The following FANCC variants were observed in gnomAD, a reference collection of about 807,000 sequenced individuals.
FANCC encodes Fanconi anemia group C protein.
In FANCC, 55 loss-of-function variants were observed where a neutral mutation model predicts 71.3. That is an observed-to-expected ratio of 0.77 (90% CI 0.62 to 0.97). The LOEUF (loss-of-function observed/expected upper bound fraction) is 0.97, where lower values mean the gene tolerates loss of function less well. FANCC is among the 50% of genes least tolerant of loss of function. FANCC has a pLI of 0.00. For synonymous variants in FANCC, 275 were observed against 244.9 expected, an observed-to-expected ratio of 1.12 and a Z score of -1.15; for missense variants, 678 against 670.9, an observed-to-expected ratio of 1.01 and a Z score of -0.12.
chr9:95,239,170 C>T (rs1311815821), intron 4 of FANCC, among the ~76,000 whole-genome samples: 2 of 152,120 alleles, frequency 1.3e-5, no homozygotes, highest in African/African-American at 4.8e-5. Flanking sequence ...GTCTCCAAAC[C>T]CCCTTGTCAG....
intron 1 of FANCC, among the ~76,000 whole-genome samples, chr9:95,255,966 T>G (rs1831631503): frequency 6.6e-6 from 1 of 151,026 alleles, no homozygotes; most frequent in African/African-American, 2.4e-5. Context: ...ACATAAAGCA[T>G]GAAGAGAAGG....
chr9:95,115,710 G>A (rs1390733759), intron 11 of FANCC, among the ~76,000 whole-genome samples: 1 of 152,184 alleles, frequency 6.6e-6, no homozygotes. Context: ...TGGACAAACT[G>A]CTGCTACTCC....
intron 4 of FANCC, among the ~76,000 whole-genome samples, chr9:95,217,318 T>C (rs998031052): frequency 3.3e-5 from 5 of 151,978 alleles, no homozygotes; most frequent in African/African-American, 1.2e-4. Flanking sequence ...ACACCATCTC[T>C]ACCAAAAATA....
intron 1 of FANCC, chr9:95,292,739 C>G (rs556568988): frequency 1.6e-5 from 22 of 1,359,786 alleles, no homozygotes; most frequent in Non-Finnish European, 2.3e-5. Context: ...GTTGTCCAAT[C>G]GAAGGCTGCC....
rs546142264 is a variant in FANCC, at chr9:95,122,713, G to A, written c.996+2373C>T. 7.9e-5 allele frequency among the ~76,000 whole-genome samples: 12 copies of A among 152,274 alleles called. No homozygotes were observed. The South Asian group carries it at 2.5e-3, about 32-fold the overall frequency. On this transcript the variant is annotated intron_variant, in intron 10 of 14. Transcript: ENST00000289081. ...TGAAGCTAAGAAGAAAAAGAGGCGC[G>A]AGCTAACCCTAAAGAGCACAGTGGC...
intron 7 of FANCC, among the ~76,000 whole-genome samples, chr9:95,147,719 T>C (rs1016689084): frequency 6.6e-6 from 1 of 152,234 alleles, no homozygotes; most frequent in African/African-American, 2.4e-5. Flanking sequence ...AATACTGTTA[T>C]GGTGCAAGTT....
intron 10 of FANCC, among the ~76,000 whole-genome samples, chr9:95,119,189 G>GT (rs1163898678): frequency 1.3e-5 from 2 of 152,070 alleles, no homozygotes; most frequent in Non-Finnish European, 2.9e-5. Flanking sequence ...GCCAACTTAT[G>GT]TATCTTTTTT....
chr9:95,304,453 A>T lies in FANCC; in HGVS notation c.-79+13073T>A, dbSNP rs575985799. On this transcript the variant is annotated intron_variant, in intron 1 of 14. Transcript: ENST00000289081. ...CTCCACAACCTCTTTAATTTTTTTT[A>T]AAAAAAAGGGGGCCAGGAGTGTTGG... 1.3e-3 allele frequency among the ~76,000 whole-genome samples: 191 copies of T among 151,496 alleles called. 1 individual carries two copies. Among genetic ancestry groups the T allele is most frequent in the Non-Finnish European group, 1.6e-3 (110 of 67,778 alleles).
chr9:95,150,795 C>T (rs1766735873), intron 6 of FANCC, among the ~76,000 whole-genome samples: 1 of 152,104 alleles, frequency 6.6e-6, no homozygotes, highest in Non-Finnish European at 1.5e-5. Context: ...TCTTTTCTGC[C>T]TCTGACTGCC....
rs4647551 is a variant in FANCC, at chr9:95,101,348, T to C, written c.*359A>G. ...TGACCAAATTCTTGGTTCTAAGACT[T>C]TGAATTTTTAAATAATAGATGTGCA... On this transcript the variant is annotated 3_prime_UTR_variant, in exon 15 of 15. Transcript: ENST00000289081. 2,677 of 385,430 alleles carry C rather than the reference T, an allele frequency of 6.9e-3. 60 individuals are homozygous for C. Among genetic ancestry groups the C allele is most frequent in the African/African-American group, 0.048 (2,434 of 50,560 alleles). 23.9% of individuals were successfully genotyped at this position (385,430 alleles called of 1,614,324 possible). A position where few individuals can be genotyped will look rare whatever the true frequency, so the allele number is the denominator to read the frequency against.
chr9:95,275,276 C>G (rs1012589349), intron 1 of FANCC, among the ~76,000 whole-genome samples: 1 of 151,604 alleles, frequency 6.6e-6, no homozygotes, highest in Admixed American at 6.6e-5. Flanking sequence ...AGAGCAAGAA[C>G]CTATCTCAAA....
In FANCC at chr9:95,099,966, A is replaced by T; in HGVS notation, c.*1741T>A. On this transcript the variant is annotated 3_prime_UTR_variant, in exon 15 of 15. Coordinates refer to ENST00000289081, the MANE Select transcript of FANCC (RefSeq NM_000136.3). ...GGACAGGGTGGAGGACTGTCCCAGGAGTCCCTCCACAACAGGAGGCCTGGT... is the reference window on the plus strand; with the variant it reads ...GGACAGGGTGGAGGACTGTCCCAGGTGTCCCTCCACAACAGGAGGCCTGGT... The T allele has an allele frequency of 4.3e-6, 1 of 232,424 alleles. No homozygotes were observed. The highest frequency in any genetic ancestry group is 8.5e-6 in the Non-Finnish European group (1 of 117,546). 14.4% of individuals were successfully genotyped at this position (232,424 alleles called of 1,614,324 possible). A position where few individuals can be genotyped will look rare whatever the true frequency, so the allele number is the denominator to read the frequency against.
chr9:95,181,166 T>C (rs1826337897), intron 4 of FANCC, among the ~76,000 whole-genome samples: 1 of 42,052 alleles, frequency 2.4e-5, no homozygotes, highest in African/African-American at 1.2e-4. Context: ...ACATTGTGTG[T>C]GTGTGTGTGT....
chr9:95,263,205 C>A (rs933100880), intron 1 of FANCC, among the ~76,000 whole-genome samples: 4 of 152,146 alleles, frequency 2.6e-5, no homozygotes, highest in Admixed American at 1.3e-4. Context: ...ATGCTGCATC[C>A]CTGCCCTGCT....
chr9:95,238,529 T>G (rs946306117), intron 4 of FANCC, among the ~76,000 whole-genome samples: 1 of 152,114 alleles, frequency 6.6e-6, no homozygotes, highest in Non-Finnish European at 1.5e-5. Context: ...AAACTCACAC[T>G]GGCTACATGA....
chr9:95,114,579 T>C, intron 12 of FANCC, 50 bp downstream of exon 12: 1 of 1,515,320 alleles, frequency 6.6e-7, no homozygotes, highest in Middle Eastern at 1.7e-4. Flanking sequence ...GATGAGGATC[T>C]AGGGAAACCA....
chr9:95,247,227 G>A (rs1489904272), intron 3 of FANCC, among the ~76,000 whole-genome samples: 1 of 151,660 alleles, frequency 6.6e-6, no homozygotes. Flanking sequence ...GTGTGTGTGT[G>A]TGTGTGTGTT....
At chr9:95,141,597 C>T (rs1480795059) in intron 7 of FANCC, among the ~76,000 whole-genome samples, 2 of 152,118 alleles carry the variant, frequency 1.3e-5, no homozygotes, top group Non-Finnish European at 2.9e-5. Context: ...CCAGAGGTCT[C>T]ATTTTCCTGA....
At chr9:95,203,940 A>G (rs540846078) in intron 4 of FANCC, among the ~76,000 whole-genome samples, 1 of 152,332 alleles carries the variant, frequency 6.6e-6, no homozygotes, top group African/African-American at 2.4e-5. Flanking sequence ...GGCCTCCTGA[A>G]ATAGTCTTGA....
Sources: allele counts gnomAD v4.1 joint callset (sites outside exome capture counted in the v4.1 genomes callset), GRCh38; gene constraint gnomAD v4.1.1; transcripts MANE v1.5; gene names NCBI Gene and HGNC (gene_info 2026-07-23, HGNC 2026-07-21).